Variants in CPEB3 observed in about 807,000 individuals in gnomAD.
CPEB3 encodes the protein cytoplasmic polyadenylation element-binding protein 3.
A neutral mutation model predicts 67.2 loss-of-function variants in CPEB3; 20 were observed. The observed-to-expected ratio is 0.30, with a 90% CI of 0.21 to 0.43. CPEB3 has a LOEUF of 0.43. Among genes scored for constraint, CPEB3 ranks in the 20% least tolerant of loss-of-function variants. The pLI, the probability that CPEB3 is intolerant of heterozygous loss-of-function variation, is 1.00. For synonymous variants in CPEB3, 376 were observed against 393.1 expected (o/e 0.96, Z 0.51); for missense variants, 746 against 968.6 (o/e 0.77, Z 3.05).
At position 92,239,414 on chromosome 10, in the gene CPEB3, T is replaced by C; in HGVS notation, c.937A>G (p.Thr313Ala). ...PPKFPRAAPL[T>A]SKSWMEDNAF... ...TTATCCTCCATCCAGGACTTGGAAG[T>C]GAGAGGGGCCGCGCGAGGGAACTTG... The change falls in exon 2 of 10, where the codon ACT becomes GCT. Residue 313 changes from threonine (T) to alanine (A), a missense_variant. Physicochemically the swap from Thr to Ala is moderately conservative, Grantham distance 58. This residue lies in a region of CPEB3 where 643 missense variants were observed against 717.5 expected (regional missense o/e 0.90). Transcript: ENST00000265997. The surrounding 1 kb of genome is among the most constrained non-coding windows in gnomAD (Gnocchi z 6.0). 6.2e-7 allele frequency: 1 copy of C among 1,604,612 alleles called. No individual in the cohort carries two copies. Among genetic ancestry groups the C allele is most frequent in the Non-Finnish European group, 8.5e-7 (1 of 1,175,444 alleles).
chr10:92,216,074 G>T (rs1436461146), intron 2 of CPEB3, among the ~76,000 whole-genome samples: 4 of 139,564 alleles, frequency 2.9e-5, no homozygotes, highest in Non-Finnish European at 6.1e-5. Flanking sequence ...AATAAGCGAA[G>T]ATATCAGATA....
chr10:92,073,389 C>A (rs1842825321), intron 9 of CPEB3, among the ~76,000 whole-genome samples: 1 of 152,000 alleles, frequency 6.6e-6, no homozygotes, highest in African/African-American at 2.4e-5. Context: ...CACAGTGACT[C>A]ATGCCTATAA....
rs1048999797 is a variant in CPEB3, at chr10:92,192,631, C to G, written c.1011G>C (p.Arg337=). The change falls in exon 3 of 10, where the codon CGG becomes CGC. Residue 337 remains arginine, a synonymous_variant. Coordinates refer to ENST00000265997, the MANE Select transcript of CPEB3 (RefSeq NM_014912.5). Reference sequence around the variant, plus strand: ...AGTTAAAAGTATCATAGGGCCTACTCCGGTCCTAAGAATAAAAACAAAAAC... The same window carrying G: ...AGTTAAAAGTATCATAGGGCCTACTGCGGTCCTAAGAATAAAAACAAAAAC... ...NGNNLLPFQD[R]SRPYDTFNLH... is the part of the protein sequence containing the mutation. The G allele has an allele frequency of 6.3e-7, 1 of 1,586,684 alleles. No individual in the cohort carries two copies. The highest frequency in any genetic ancestry group is 1.2e-5 in the South Asian group (1 of 85,936).
intron 2 of CPEB3, among the ~76,000 whole-genome samples, chr10:92,194,127 T>C (rs1849118533): frequency 1.3e-5 from 2 of 150,490 alleles, no homozygotes; most frequent in Non-Finnish European, 3.0e-5. Flanking sequence ...GTAAGTTACA[T>C]ATATTGGATA....
intron 6 of CPEB3, among the ~76,000 whole-genome samples, chr10:92,112,039 T>G (rs189815559): frequency 6.6e-6 from 1 of 152,268 alleles, no homozygotes; most frequent in Admixed American, 6.5e-5. Context: ...TTTTTTCAGT[T>G]TAATTCCATA....
chr10:92,256,470 C>A (rs1852519281), intron 1 of CPEB3, among the ~76,000 whole-genome samples: 1 of 151,412 alleles, frequency 6.6e-6, no homozygotes, highest in Admixed American at 6.6e-5. Context: ...CTCACTGCAA[C>A]CTCCGCCTCC....
intron 1 of CPEB3, among the ~76,000 whole-genome samples, chr10:92,242,071 A>G (rs1292106599): frequency 6.6e-6 from 1 of 152,236 alleles, no homozygotes; most frequent in African/African-American, 2.4e-5. Flanking sequence ...TGCAAAATAT[A>G]TCAGACAAAT....
intron 5 of CPEB3, among the ~76,000 whole-genome samples, chr10:92,143,892 A>C (rs1041530717): frequency 6.6e-6 from 1 of 152,216 alleles, no homozygotes; most frequent in Non-Finnish European, 1.5e-5. Context: ...GTCTAAAATA[A>C]AACCACTTTT....
At position 92,143,083 on chromosome 10, in the gene CPEB3, G is replaced by C. The variant is rs759322251; in HGVS notation, c.1399C>G (p.Leu467Val). 2 of 1,613,670 alleles carry C rather than the reference G, an allele frequency of 1.2e-6. No individual in the cohort carries two copies. Among genetic ancestry groups the C allele is most frequent in the East Asian group, 4.5e-5 (2 of 44,844 alleles). Reference protein sequence around the residue: ...ITASFRRFGPLVVDWPHKAES... With the variant: ...ITASFRRFGPVVVDWPHKAES... ...GCTTTGTGAGGCCAGTCTACTACGA[G>C]AGGTCCAAACCTGCGAAAGCTGGCA... is the stretch of plus-strand genomic sequence containing the variant. The change falls in exon 6 of 10, where the codon CTC (leucine) becomes GTC (valine). Residue 467 changes from leucine (L) to valine (V), a missense_variant. Leu to Val is a conservative substitution (Grantham distance 32, BLOSUM62 1). Around this residue, in one of 2 missense-constraint regions of CPEB3, gnomAD observed 643 missense variants for 717.5 expected, o/e 0.90. Transcript: ENST00000265997.
chr10:92,219,732 T>C (rs1850603275), intron 2 of CPEB3, among the ~76,000 whole-genome samples: 1 of 152,208 alleles, frequency 6.6e-6, no homozygotes, highest in African/African-American at 2.4e-5. Context: ...ATAGGTAAAA[T>C]GAATCATCTA....
At chr10:92,069,608 T>G (rs145733531) in intron 9 of CPEB3, among the ~76,000 whole-genome samples, 1 of 152,196 alleles carries the variant, frequency 6.6e-6, no homozygotes, top group East Asian at 1.9e-4. Context: ...TTTCACCATG[T>G]TGGCCAGGCT....
intron 1 of CPEB3, among the ~76,000 whole-genome samples, chr10:92,261,929 T>C (rs888066665): frequency 2.0e-5 from 3 of 152,190 alleles, no homozygotes; most frequent in Admixed American, 1.3e-4. Flanking sequence ...AAGCAAGCCT[T>C]TTCAACTATA....
chr10:92,267,898 C>T (rs956892337), intron 1 of CPEB3, among the ~76,000 whole-genome samples: 1 of 152,060 alleles, frequency 6.6e-6, no homozygotes, highest in African/African-American at 2.4e-5. Context: ...GGCTCACTGC[C>T]GCCTCCGCCT....
chr10:92,262,881 G>C (rs115931258), intron 1 of CPEB3, among the ~76,000 whole-genome samples: 4 of 151,974 alleles, frequency 2.6e-5, no homozygotes. Flanking sequence ...GCACAGCAGC[G>C]TGATTGTGGC....
chr10:92,148,352 T>C (rs1846791858), intron 4 of CPEB3, among the ~76,000 whole-genome samples: 1 of 152,174 alleles, frequency 6.6e-6, no homozygotes, highest in Non-Finnish European at 1.5e-5. Context: ...AAAACAAACA[T>C]ACCCTTTTCA....
chr10:92,187,917 C>T (rs897596218), intron 3 of CPEB3, among the ~76,000 whole-genome samples: 1 of 152,154 alleles, frequency 6.6e-6, no homozygotes, highest in Non-Finnish European at 1.5e-5. Context: ...GAAACAGGGC[C>T]AGGGCCAGTG....
chr10:92,148,293 A>ATTAT (rs1846789313), intron 4 of CPEB3, among the ~76,000 whole-genome samples: 1 of 152,098 alleles, frequency 6.6e-6, no homozygotes, highest in Admixed American at 6.5e-5. Context: ...CGTATTTTCG[A>ATTAT]TTATTCCTCC....
At chr10:92,174,564 T>A (rs73316069) in intron 4 of CPEB3, among the ~76,000 whole-genome samples, 11,692 of 152,168 alleles carry the variant, frequency 0.077, 1,490 homozygotes, top group African/African-American at 0.27. Flanking sequence ...TGTTTATATA[T>A]CAATTCATGA....
chr10:92,138,627 C>T (rs1846234798), intron 6 of CPEB3, among the ~76,000 whole-genome samples: 1 of 151,718 alleles, frequency 6.6e-6, no homozygotes, highest in African/African-American at 2.4e-5. Flanking sequence ...CAGCGAAAGG[C>T]AAATCAAAAC....
Sources: allele counts gnomAD v4.1 joint callset (sites outside exome capture counted in the v4.1 genomes callset), GRCh38; gene constraint gnomAD v4.1.1; regional missense constraint gnomAD v4.1.1; non-coding constraint Gnocchi (gnomAD v3.1); transcripts MANE v1.5; gene names NCBI Gene and HGNC (gene_info 2026-07-23, HGNC 2026-07-21).